CDH13: variants seen among roughly 807,000 people sequenced by gnomAD.
CDH13 encodes cadherin 13.
In CDH13, 24 loss-of-function variants were observed where a neutral mutation model predicts 63.8. The observed-to-expected ratio is 0.38, with a 90% confidence interval of 0.27 to 0.53. The LOEUF (loss-of-function observed/expected upper bound fraction) is 0.53. Ranked by LOEUF, CDH13 falls within the 20% of genes least tolerant of loss-of-function variation. The pLI is 0.85. For missense variants in CDH13, 1,049 were observed against 903.1 expected (o/e 1.16, Z -2.07); for synonymous variants, 503 against 355.3 (o/e 1.42, Z -4.67).
At chr16:82,947,307 A>T (rs1336248694) in intron 2 of CDH13, among the ~76,000 whole-genome samples, 2 of 152,048 alleles carry the variant, frequency 1.3e-5, no homozygotes, top group Non-Finnish European at 2.9e-5. Context: ...CTTATTTCTT[A>T]CACAAGAGTG....
chr16:83,783,817 C>G (rs1915695763), intron 13 of CDH13, among the ~76,000 whole-genome samples: 1 of 152,280 alleles, frequency 6.6e-6, no homozygotes, highest in East Asian at 1.9e-4. Context: ...AGGCCTGTTT[C>G]TCTCTACATT....
intron 6 of CDH13, among the ~76,000 whole-genome samples, chr16:83,423,598 C>CATTATTATT (rs1284770627): frequency 6.6e-6 from 1 of 152,102 alleles, no homozygotes; most frequent in East Asian, 1.9e-4. Context: ...ATTACCTAGG[C>CATTATTATT]ACACCTAAAT....
At chr16:83,402,075 C>T (rs989645319) in intron 6 of CDH13, among the ~76,000 whole-genome samples, 54 of 152,228 alleles carry the variant, frequency 3.5e-4, no homozygotes, top group African/African-American at 1.3e-3. Context: ...TTGTAGAGTA[C>T]ATAGGTGTTA....
intron 5 of CDH13, among the ~76,000 whole-genome samples, chr16:83,246,312 T>C (rs906859978): frequency 6.6e-6 from 1 of 152,178 alleles, no homozygotes; most frequent in Non-Finnish European, 1.5e-5. Context: ...TAGCAAATTA[T>C]AATTTTCCCC....
rs140718885 is a variant in CDH13, at chr16:82,965,254, C to G, written c.158-66756C>G. On this transcript the variant is annotated intron_variant, in intron 2 of 13. Coordinates refer to ENST00000567109, the MANE Select transcript of CDH13 (RefSeq NM_001257.5). The stretch of plus-strand genomic sequence containing the variant: ...ACTAATACTTTGCTTCTTCCCTCCC[C>G]ACACGATCTCTCCAAAGCCTGGGAA... Among the ~76,000 whole-genome samples, 199 of 152,306 alleles carry G rather than the reference C, an allele frequency of 1.3e-3. 1 individual carries two copies. Among genetic ancestry groups the G allele is most frequent in the African/African-American group, 4.6e-3 (191 of 41,566 alleles).
In CDH13 at chr16:83,099,292, A is replaced by G. The variant is rs189012175; in HGVS notation, c.367-26093A>G. Among the ~76,000 whole-genome samples the G allele has an allele frequency of 8.5e-4, 130 of 152,204 alleles. 1 individual carries two copies. The highest frequency in any genetic ancestry group is 2.7e-3 in the African/African-American group (114 of 41,544). The stretch of plus-strand genomic sequence containing the variant: ...ACACACACATTTTACACTAAAAACA[A>G]TTCTATGATGTAGGTAGTATGATAA... On this transcript the variant is annotated intron_variant, in intron 3 of 13. Transcript: ENST00000567109.
chr16:83,001,321 G>A (rs1267165299), intron 2 of CDH13, among the ~76,000 whole-genome samples: 2 of 152,236 alleles, frequency 1.3e-5, no homozygotes, highest in East Asian at 3.9e-4. Flanking sequence ...CACAAGTAGT[G>A]TTGCATTGGT....
At chr16:83,627,738 A>G (rs1598390214) in intron 8 of CDH13, among the ~76,000 whole-genome samples, 1 of 152,098 alleles carries the variant, frequency 6.6e-6, no homozygotes, top group East Asian at 1.9e-4. Flanking sequence ...CCAGACCCCA[A>G]GAGAGGGTTC....
At chr16:83,327,924 A>G (rs2090400235) in intron 5 of CDH13, among the ~76,000 whole-genome samples, 1 of 152,152 alleles carries the variant, frequency 6.6e-6, no homozygotes, top group Non-Finnish European at 1.5e-5. Context: ...CGAAGTCAGG[A>G]GATCGAGACC....
intron 2 of CDH13, among the ~76,000 whole-genome samples, chr16:83,008,396 A>C (rs191624941): frequency 6.6e-6 from 1 of 152,292 alleles, no homozygotes; most frequent in East Asian, 1.9e-4. Flanking sequence ...TGTAGGCAGA[A>C]AGTACAGCAG....
chr16:83,607,048 T>C (rs547806076), intron 8 of CDH13, among the ~76,000 whole-genome samples: 1 of 152,096 alleles, frequency 6.6e-6, no homozygotes, highest in East Asian at 1.9e-4. Flanking sequence ...TGTCTTCAGT[T>C]GGTATGTTGC....
At chr16:82,961,746 C>G (rs76381835) in intron 2 of CDH13, among the ~76,000 whole-genome samples, 8,405 of 152,212 alleles carry the variant, frequency 0.055, 364 homozygotes, top group Non-Finnish European at 0.083. Context: ...CTAATTGATC[C>G]TGTCTTTGGT....
At chr16:82,951,323 C>A (rs969053804) in intron 2 of CDH13, among the ~76,000 whole-genome samples, 4 of 152,126 alleles carry the variant, frequency 2.6e-5, no homozygotes, top group African/African-American at 9.7e-5. Flanking sequence ...TTCATTGATT[C>A]AGAAAGAAAT....
intron 7 of CDH13, among the ~76,000 whole-genome samples, chr16:83,596,629 A>G (rs1907285029): frequency 6.6e-6 from 1 of 152,126 alleles, no homozygotes; most frequent in South Asian, 2.1e-4. Flanking sequence ...TTCAAGTAAG[A>G]GTGACTCCGA....
At chr16:83,790,303 C>G (rs1403122823) in intron 13 of CDH13, 2 of 152,194 alleles carry the variant, frequency 1.3e-5, no homozygotes, top group African/African-American at 4.8e-5. Flanking sequence ...ATCTGCATTT[C>G]TTTCTTTGAC....
chr16:82,778,157 C>T (rs116582485), intron 1 of CDH13, among the ~76,000 whole-genome samples: 6 of 152,282 alleles, frequency 3.9e-5, no homozygotes, highest in South Asian at 2.1e-4. Context: ...ATTATTTTAA[C>T]GCAAAATGAT....
At chr16:83,076,008 A>T (rs1329472750) in intron 3 of CDH13, among the ~76,000 whole-genome samples, 2 of 152,242 alleles carry the variant, frequency 1.3e-5, no homozygotes, top group East Asian at 3.8e-4. Flanking sequence ...AAATGTGTTA[A>T]GGGAAGTATG....
intron 7 of CDH13, among the ~76,000 whole-genome samples, chr16:83,537,225 T>C (rs1291958540): frequency 6.6e-6 from 1 of 152,212 alleles, no homozygotes; most frequent in Admixed American, 6.5e-5. Context: ...AATAAGTATT[T>C]GTTGAGCAAG....
chr16:83,587,316 A>C (rs1428460828), intron 7 of CDH13, among the ~76,000 whole-genome samples: 1 of 152,186 alleles, frequency 6.6e-6, no homozygotes, highest in Non-Finnish European at 1.5e-5. Context: ...AGGGACCATT[A>C]ACATGCAAAG....
Sources: allele counts gnomAD v4.1 joint callset (sites outside exome capture counted in the v4.1 genomes callset), GRCh38; gene constraint gnomAD v4.1.1; transcripts MANE v1.5; gene names NCBI Gene and HGNC (gene_info 2026-07-23, HGNC 2026-07-21).